Variants in MCU observed in about 807,000 individuals in gnomAD.
The protein encoded by MCU is calcium uniporter protein, mitochondrial.
Under a neutral mutation model 45.2 loss-of-function variants are expected in MCU, and 12 were observed. That is an observed-to-expected ratio of 0.27 (90% CI 0.17 to 0.43). The LOEUF is 0.43. Among genes scored for constraint, MCU ranks in the 20% least tolerant of loss-of-function variants. The probability of loss-of-function intolerance (pLI) is 1.00; values close to 1 mark genes in which losing one functional copy is unlikely to be tolerated. For synonymous variants in MCU, 160 were observed against 165.1 expected, an observed-to-expected ratio of 0.97 and a Z score of 0.24; for missense variants, 324 against 436.7, an observed-to-expected ratio of 0.74 and a Z score of 2.30.
chr10:72,854,731 A>G (rs1156229320), intron 2 of MCU, among the ~76,000 whole-genome samples: 1 of 152,172 alleles, frequency 6.6e-6, no homozygotes, highest in Admixed American at 6.5e-5. Flanking sequence ...CCCCTAACCT[A>G]CAGGCCAAAG....
intron 1 of MCU, among the ~76,000 whole-genome samples, chr10:72,766,328 T>G (rs140281859): frequency 2.6e-5 from 4 of 152,356 alleles, no homozygotes; most frequent in African/African-American, 7.2e-5. Flanking sequence ...CCAACGTGTC[T>G]TAATTAGCAT....
intron 6 of MCU, among the ~76,000 whole-genome samples, chr10:72,882,942 T>G (rs1327939244): frequency 6.6e-6 from 1 of 152,228 alleles, no homozygotes; most frequent in Non-Finnish European, 1.5e-5. Context: ...TTCTGTCCCT[T>G]TATTTCTCAA....
intron 1 of MCU, among the ~76,000 whole-genome samples, chr10:72,783,659 A>C (rs1003354191): frequency 6.6e-6 from 1 of 152,170 alleles, no homozygotes; most frequent in African/African-American, 2.4e-5. Flanking sequence ...GTTGTATCTG[A>C]AGTGTTAATA....
At chr10:72,806,779 T>C (rs1485642185) in intron 1 of MCU, among the ~76,000 whole-genome samples, 1 of 152,214 alleles carries the variant, frequency 6.6e-6, no homozygotes, top group African/African-American at 2.4e-5. Context: ...AGGGGTTGTT[T>C]AGTGAAACCT....
chr10:72,884,870 T>A (rs886512916), intron 7 of MCU, among the ~76,000 whole-genome samples: 2 of 152,216 alleles, frequency 1.3e-5, no homozygotes, highest in African/African-American at 4.8e-5. Context: ...GATTGATATA[T>A]TTTATTTTTC....
intron 6 of MCU, among the ~76,000 whole-genome samples, chr10:72,880,400 G>A (rs1397338653): frequency 6.6e-6 from 1 of 151,666 alleles, no homozygotes; most frequent in African/African-American, 2.4e-5. Context: ...AGCAACAAAT[G>A]GTTAGAAAAT....
intron 1 of MCU, among the ~76,000 whole-genome samples, chr10:72,770,653 G>T (rs1843792477): frequency 6.6e-6 from 1 of 151,762 alleles, no homozygotes. Flanking sequence ...TACCATTTCT[G>T]GTTGTCTTCA....
intron 1 of MCU, among the ~76,000 whole-genome samples, chr10:72,726,254 CACGTGTGTGTG>C (rs2132678328): frequency 1.3e-5 from 1 of 77,100 alleles, no homozygotes; most frequent in East Asian, 2.4e-4. Context: ...CACACACACA[CACGTGTGTGTG>C]TGTGTGTGTG....
chr10:72,863,374 A>G (rs1268505077), intron 4 of MCU, among the ~76,000 whole-genome samples: 1 of 152,188 alleles, frequency 6.6e-6, no homozygotes, highest in African/African-American at 2.4e-5. Flanking sequence ...TTCGCTGGGT[A>G]GCATTTTGAT....
At chr10:72,878,351 G>C (rs915466361) in intron 6 of MCU, among the ~76,000 whole-genome samples, 1 of 151,678 alleles carries the variant, frequency 6.6e-6, no homozygotes, top group Non-Finnish European at 1.5e-5. Flanking sequence ...CAAACTCCTG[G>C]GCTCAAGCGA....
intron 1 of MCU, among the ~76,000 whole-genome samples, chr10:72,823,702 G>T (rs1199273706): frequency 6.6e-6 from 1 of 152,146 alleles, no homozygotes; most frequent in Non-Finnish European, 1.5e-5. Flanking sequence ...TTAGCTAAAG[G>T]TAGAGAAAGA....
intron 1 of MCU, among the ~76,000 whole-genome samples, chr10:72,819,527 G>T (rs540873685): frequency 6.6e-6 from 1 of 152,200 alleles, no homozygotes; most frequent in South Asian, 2.1e-4. Flanking sequence ...CATTCAAGGA[G>T]CTTACAATAT....
intron 1 of MCU, among the ~76,000 whole-genome samples, chr10:72,806,348 C>T (rs1161335827): frequency 5.9e-5 from 9 of 151,948 alleles, no homozygotes; most frequent in Non-Finnish European, 8.8e-5. Context: ...TTAGTAGAGA[C>T]GGGGTTTCTC....
chr10:72,816,434 T>A (rs1021495527), intron 1 of MCU, among the ~76,000 whole-genome samples: 6 of 152,218 alleles, frequency 3.9e-5, no homozygotes, highest in African/African-American at 1.4e-4. Context: ...TTGAAAGCTG[T>A]TCCTTTACAG....
intron 1 of MCU, among the ~76,000 whole-genome samples, chr10:72,799,976 C>G (rs1354127250): frequency 1.3e-5 from 2 of 152,160 alleles, no homozygotes; most frequent in Non-Finnish European, 2.9e-5. Context: ...TTCAGCATCT[C>G]TAATTCAAAA....
chr10:72,784,301 C>G (rs150583453), intron 1 of MCU, among the ~76,000 whole-genome samples: 1 of 152,134 alleles, frequency 6.6e-6, no homozygotes, highest in Non-Finnish European at 1.5e-5. Context: ...AATACTGTCA[C>G]GTTTGGAAAA....
chr10:72,704,092 G>A (rs901806858), intron 1 of MCU, among the ~76,000 whole-genome samples: 3 of 152,158 alleles, frequency 2.0e-5, no homozygotes, highest in African/African-American at 4.8e-5. Flanking sequence ...AGAATTTCAA[G>A]TGGGAGAATC....
chr10:72,801,674 CTTT>C (rs767524519), intron 1 of MCU, among the ~76,000 whole-genome samples: 5 of 134,396 alleles, frequency 3.7e-5, no homozygotes, highest in Non-Finnish European at 6.5e-5. Context: ...CTCTTTTTTT[CTTT>C]TTTTTTTTTT....
chr10:72,784,137 A>G (rs1844037547), intron 1 of MCU, among the ~76,000 whole-genome samples: 1 of 152,204 alleles, frequency 6.6e-6, no homozygotes, highest in Non-Finnish European at 1.5e-5. Flanking sequence ...ATGCCCACTT[A>G]CCTGGATCTC....
Sources: allele counts gnomAD v4.1 joint callset (sites outside exome capture counted in the v4.1 genomes callset), GRCh38; gene constraint gnomAD v4.1.1; transcripts MANE v1.5; gene names NCBI Gene and HGNC (gene_info 2026-07-23, HGNC 2026-07-21).